Variants in CHLSN observed in about 807,000 individuals in gnomAD.
CHLSN encodes protein cholesin.
At chr7:1,024,135 G>A in the CHLSN span, among the ~76,000 whole-genome samples, 2 of 152,126 alleles carry the variant, frequency 1.3e-5, no homozygotes, top group South Asian at 2.1e-4. Flanking sequence ...GGGCCACAGC[G>A]ATCCTTCCGG....
At chr7:1,034,060 C>T in the CHLSN span, among the ~76,000 whole-genome samples, 3 of 152,222 alleles carry the variant, frequency 2.0e-5, no homozygotes, top group Non-Finnish European at 4.4e-5. Flanking sequence ...AGAGAATCTA[C>T]GAAATAAATC....
the CHLSN span, chr7:1,058,080 G>A: frequency 3.0e-5 from 23 of 766,892 alleles, 1 homozygote; most frequent in Middle Eastern, 4.6e-4. Flanking sequence ...AGCTGCCGAC[G>A]CCACGCTGGT....
chr7:1,132,399 A>G, the CHLSN span, among the ~76,000 whole-genome samples: 1 of 152,132 alleles, frequency 6.6e-6, no homozygotes, highest in Non-Finnish European at 1.5e-5. Context: ...AACAAAGCAA[A>G]AAGAAAACCC....
chr7:1,062,193 G>A, the CHLSN span, among the ~76,000 whole-genome samples: 1 of 152,100 alleles, frequency 6.6e-6, no homozygotes, highest in Non-Finnish European at 1.5e-5. Flanking sequence ...CAGAAAGGGA[G>A]TTTAGTTGTA....
At chr7:1,130,000 C>T in the CHLSN span, among the ~76,000 whole-genome samples, 21,933 of 152,206 alleles carry the variant, frequency 0.14, 1,788 homozygotes, top group Middle Eastern at 0.28. Flanking sequence ...TGGCACCACA[C>T]GGGCTGCGGG....
the CHLSN span, chr7:984,534 G>C: frequency 1.9e-6 from 3 of 1,555,242 alleles, no homozygotes. Flanking sequence ...TGGCCGACCG[G>C]CCTCCCATCG....
the CHLSN span, among the ~76,000 whole-genome samples, chr7:1,073,252 A>G: frequency 2.0e-5 from 3 of 152,150 alleles, no homozygotes; most frequent in Non-Finnish European, 4.4e-5. Context: ...TTCAAAATAC[A>G]TACAATGACC....
chr7:1,004,745 C>T, the CHLSN span, among the ~76,000 whole-genome samples: 3 of 152,352 alleles, frequency 2.0e-5, no homozygotes, highest in African/African-American at 7.2e-5. Flanking sequence ...CAACTGCAGA[C>T]AGTTCACAGG....
At chr7:1,035,390 G>C in the CHLSN span, among the ~76,000 whole-genome samples, 340 of 152,382 alleles carry the variant, frequency 2.2e-3, 1 homozygote, top group African/African-American at 7.8e-3. Context: ...CAGTAATGGA[G>C]CAATCTGATT....
At chr7:1,065,742 G>A in the CHLSN span, among the ~76,000 whole-genome samples, 1 of 152,246 alleles carries the variant, frequency 6.6e-6, no homozygotes, top group African/African-American at 2.4e-5. Context: ...GAACACGCCA[G>A]GGTGGAGACA....
At chr7:1,016,998 AGGAG>A in the CHLSN span, among the ~76,000 whole-genome samples, 2,469 of 144,618 alleles carry the variant, frequency 0.017, 138 homozygotes, top group African/African-American at 0.062. Flanking sequence ...AGCAGCGCAC[AGGAG>A]CACACAGCAG....
the CHLSN span, among the ~76,000 whole-genome samples, chr7:1,057,299 C>T: frequency 3.3e-5 from 5 of 152,186 alleles, no homozygotes; most frequent in Non-Finnish European, 7.3e-5. Context: ...GCCACAGCAG[C>T]CCCCGGTCAC....
At chr7:1,091,077 C>A in the CHLSN span, among the ~76,000 whole-genome samples, 1 of 152,212 alleles carries the variant, frequency 6.6e-6, no homozygotes, top group Admixed American at 6.5e-5. Flanking sequence ...CCTGGGGCGG[C>A]CGTGCCCATA....
At chr7:996,079 T>C in the CHLSN span, among the ~76,000 whole-genome samples, 1 of 151,996 alleles carries the variant, frequency 6.6e-6, no homozygotes, top group African/African-American at 2.4e-5. Context: ...TTCAGGGAGC[T>C]AAGGAGGAAG....
At chr7:993,139 C>A in the CHLSN span, among the ~76,000 whole-genome samples, 1 of 152,272 alleles carries the variant, frequency 6.6e-6, no homozygotes, top group Admixed American at 6.5e-5. Context: ...GTGAAACCCA[C>A]GCAGCCAGCA....
the CHLSN span, among the ~76,000 whole-genome samples, chr7:1,060,856 C>T: frequency 2.0e-5 from 3 of 152,306 alleles, no homozygotes; most frequent in Middle Eastern, 3.4e-3. Flanking sequence ...CATGCCTGCG[C>T]GGAAACCCTG....
the CHLSN span, chr7:1,081,976 C>T: frequency 2.6e-5 from 4 of 152,232 alleles, no homozygotes; most frequent in East Asian, 7.7e-4. Flanking sequence ...GAGAGCAGGG[C>T]GGACCCCGCG....
chr7:1,083,905 C>T, the CHLSN span, among the ~76,000 whole-genome samples: 2 of 152,264 alleles, frequency 1.3e-5, no homozygotes, highest in African/African-American at 4.8e-5. Flanking sequence ...GAATGAAAGG[C>T]TCCAACCTGG....
At chr7:1,020,310 G>C in the CHLSN span, among the ~76,000 whole-genome samples, 17 of 152,166 alleles carry the variant, frequency 1.1e-4, no homozygotes, top group African/African-American at 3.6e-4. Flanking sequence ...CAGTCCTCCT[G>C]CAGCCTGGGG....
Sources: gnomAD v4.1 joint callset for allele counts (sites outside exome capture counted in the v4.1 genomes callset) on GRCh38, gnomAD v4.1.1 for gene constraint, MANE v1.5 for transcripts, NCBI Gene and HGNC (gene_info 2026-07-23, HGNC 2026-07-21) for gene names.